Variants in PCSK2 observed in about 807,000 individuals in gnomAD.
The protein encoded by PCSK2 is proprotein convertase subtilisin/kexin type 2, also known as neuroendocrine convertase 2.
Under a neutral mutation model 69.7 loss-of-function variants are expected in PCSK2, and 14 were observed. That is an observed-to-expected ratio of 0.20 (90% CI 0.13 to 0.31). PCSK2 has a LOEUF of 0.31. Ranked by LOEUF, PCSK2 falls within the 10% of genes least tolerant of loss-of-function variation. The pLI, the probability that PCSK2 is intolerant of heterozygous loss-of-function variation, is 1.00. For synonymous variants in PCSK2, 307 were observed against 320.7 expected, an observed-to-expected ratio of 0.96 and a Z score of 0.46; for missense variants, 544 against 842.5, an observed-to-expected ratio of 0.65 and a Z score of 4.39.
intron 11 of PCSK2, among the ~76,000 whole-genome samples, chr20:17,473,179 C>T (rs573731175): frequency 8.7e-5 from 13 of 150,042 alleles, no homozygotes; most frequent in Admixed American, 2.0e-4. Context: ...CTGCAACCTC[C>T]GCCTCCCGCG....
chr20:17,460,472 T>C (rs571529957), intron 10 of PCSK2, among the ~76,000 whole-genome samples: 81 of 152,180 alleles, frequency 5.3e-4, no homozygotes, highest in Non-Finnish European at 3.7e-4. Flanking sequence ...ACTGAAGTTT[T>C]CTTAATAAGG....
intron 2 of PCSK2, among the ~76,000 whole-genome samples, chr20:17,306,375 C>G (rs1025849756): frequency 1.3e-5 from 2 of 152,126 alleles, no homozygotes; most frequent in Non-Finnish European, 2.9e-5. Flanking sequence ...TGCATACAGA[C>G]TGATGCAGAA....
chr20:17,413,862 C>T (rs1246371776), intron 6 of PCSK2, among the ~76,000 whole-genome samples: 1 of 152,184 alleles, frequency 6.6e-6, no homozygotes, highest in Non-Finnish European at 1.5e-5. Flanking sequence ...CAAATTAGAA[C>T]TCAGGATTAA....
intron 2 of PCSK2, among the ~76,000 whole-genome samples, chr20:17,286,014 T>G (rs1460235096): frequency 6.6e-6 from 1 of 152,246 alleles, no homozygotes; most frequent in Non-Finnish European, 1.5e-5. Context: ...TGAGTTTTAA[T>G]TGACACAAAA....
intron 7 of PCSK2, among the ~76,000 whole-genome samples, chr20:17,432,734 G>A (rs1179360352): frequency 6.6e-6 from 1 of 152,170 alleles, no homozygotes; most frequent in Non-Finnish European, 1.5e-5. Context: ...GTATATTTCT[G>A]AAAATATTAA....
intron 2 of PCSK2, among the ~76,000 whole-genome samples, chr20:17,356,794 G>T (rs929614342): frequency 1.3e-5 from 2 of 152,078 alleles, no homozygotes; most frequent in African/African-American, 4.8e-5. Context: ...GCCTGGTGAG[G>T]GAACCTCCAG....
chr20:17,429,631 A>T (rs1396837975), intron 7 of PCSK2, 108 bp downstream of exon 7: 2 of 714,394 alleles, frequency 2.8e-6, no homozygotes, highest in Non-Finnish European at 4.5e-6. Flanking sequence ...TAGGATCCAC[A>T]GATTTGGCAC....
intron 2 of PCSK2, among the ~76,000 whole-genome samples, chr20:17,349,679 C>A (rs1157014134): frequency 6.6e-6 from 1 of 152,182 alleles, no homozygotes; most frequent in Non-Finnish European, 1.5e-5. Flanking sequence ...AATCCTCAGA[C>A]TATAATAAAG....
chr20:17,290,131 T>G (rs551832887), intron 2 of PCSK2, among the ~76,000 whole-genome samples: 1 of 152,354 alleles, frequency 6.6e-6, no homozygotes, highest in East Asian at 1.9e-4. Flanking sequence ...GAAAGCAATT[T>G]TTTTCCACAT....
intron 8 of PCSK2, among the ~76,000 whole-genome samples, chr20:17,446,255 G>A (rs1194438922): frequency 6.6e-5 from 10 of 152,152 alleles, no homozygotes; most frequent in Non-Finnish European, 1.2e-4. Flanking sequence ...AACCACAGGC[G>A]CCATCAAACA....
intron 2 of PCSK2, among the ~76,000 whole-genome samples, chr20:17,306,770 A>G (rs1462606912): frequency 6.6e-6 from 1 of 152,204 alleles, no homozygotes; most frequent in Non-Finnish European, 1.5e-5. Flanking sequence ...GCAATACATG[A>G]TGAACTGCAC....
At chr20:17,400,081 C>T (rs1288532182) in intron 5 of PCSK2, among the ~76,000 whole-genome samples, 4 of 152,090 alleles carry the variant, frequency 2.6e-5, no homozygotes, top group African/African-American at 4.8e-5. Context: ...ATGGACCATA[C>T]AAAATAATAT....
chr20:17,373,202 T>C (rs2046505873), intron 5 of PCSK2, among the ~76,000 whole-genome samples: 1 of 151,892 alleles, frequency 6.6e-6, no homozygotes, highest in Non-Finnish European at 1.5e-5. Context: ...AGGGAATGAG[T>C]CCGGGAAGGA....
chr20:17,456,283 C>A, intron 9 of PCSK2, 65 bp from the exon 10 acceptor site: 2 of 820,878 alleles, frequency 2.4e-6, no homozygotes, highest in Non-Finnish European at 4.2e-6. Flanking sequence ...TCCCCTGCTC[C>A]ACATTGTGCG....
intron 8 of PCSK2, among the ~76,000 whole-genome samples, chr20:17,452,504 C>T (rs1444305309): frequency 6.6e-6 from 1 of 152,236 alleles, no homozygotes; most frequent in Non-Finnish European, 1.5e-5. Context: ...ATCTCTCTTC[C>T]TTCTGGCTTC....
chr20:17,358,798 A>C (rs1007434), intron 3 of PCSK2, among the ~76,000 whole-genome samples: 2,395 of 152,336 alleles, frequency 0.016, 62 homozygotes, highest in African/African-American at 0.054. Context: ...CAACAGACAG[A>C]GTAACAGGGG....
At chr20:17,409,087 G>T (rs530884572) in intron 5 of PCSK2, among the ~76,000 whole-genome samples, 176 bp from the exon 6 acceptor site, 1 of 152,188 alleles carries the variant, frequency 6.6e-6, no homozygotes, top group Non-Finnish European at 1.5e-5. Context: ...ATCAAGAGAG[G>T]ATGGAAAACC....
chr20:17,337,498 G>T (rs1328525434), intron 2 of PCSK2, among the ~76,000 whole-genome samples: 2 of 152,184 alleles, frequency 1.3e-5, no homozygotes, highest in Middle Eastern at 3.2e-3. Context: ...ATGAGAACAG[G>T]ATGCAGCAAA....
chr20:17,421,093 A>C (rs1191724857), intron 6 of PCSK2, among the ~76,000 whole-genome samples: 1 of 152,266 alleles, frequency 6.6e-6, no homozygotes, highest in Non-Finnish European at 1.5e-5. Flanking sequence ...ACTGGATAAC[A>C]GTCAGCTCAA....
Sources: gnomAD v4.1 joint callset for allele counts (sites outside exome capture counted in the v4.1 genomes callset) on GRCh38, gnomAD v4.1.1 for gene constraint, MANE v1.5 for transcripts, NCBI Gene and HGNC (gene_info 2026-07-23, HGNC 2026-07-21) for gene names.